Variants in ZNF614 observed in about 807,000 individuals in gnomAD.
ZNF614 encodes zinc finger protein 614.
ZNF614 carries 11 observed loss-of-function variants against 12.8 expected under a neutral mutation model. The observed-to-expected ratio is 0.86, with a 90% confidence interval of 0.54 to 1.43. ZNF614 has a LOEUF of 1.43. Ranked by LOEUF, ZNF614 falls within the 40% of genes most tolerant of loss-of-function variation. ZNF614 has a pLI of 0.00. For missense variants in ZNF614, 664 were observed against 708.8 expected (o/e 0.94, Z 0.72); for synonymous variants, 237 against 237.5 (o/e 1.00, Z 0.02).
In ZNF614 at chr19:52,016,225, T is replaced by C. The variant is rs755280234; in HGVS notation, c.1373A>G (p.Asn458Ser). 12 of 1,614,174 alleles carry C rather than the reference T, an allele frequency of 7.4e-6. No individual in the cohort carries two copies. The Admixed American group carries it at 1.2e-4, about 16-fold the overall frequency. Residue 458 changes from asparagine (N) to serine (S), a missense_variant, in exon 5 of 5, where the codon AAT becomes AGT. Transcript: ENST00000270649. Reference sequence around the variant, plus strand: ...CTGGCTGAAGGCTTTACCACATTCATTGCATTCATAGGGTTTTTCTCCTGT... The same window carrying C: ...CTGGCTGAAGGCTTTACCACATTCACTGCATTCATAGGGTTTTTCTCCTGT... ...THTGEKPYEC[N>S]ECGKAFSQKI...
In ZNF614 at chr19:52,018,484, G is replaced by T. The variant is rs1436747178; in HGVS notation, c.26C>A (p.Thr9Asn). 1 of 1,614,014 alleles carries T rather than the reference G, an allele frequency of 6.2e-7. No individual in the cohort carries two copies. Among genetic ancestry groups the T allele is most frequent in the Non-Finnish European group, 8.5e-7 (1 of 1,179,952 alleles). The change falls in exon 3 of 5, where the codon ACC (threonine) becomes AAC (asparagine). Residue 9 changes from threonine (T) to asparagine (N), a missense_variant. Physicochemically the swap from Thr to Asn is moderately conservative, Grantham distance 65 (BLOSUM62 0). Transcript: ENST00000270649. ...GAATTCCACAGCCACATCCTCCAGGGTCAGTGATTCCTGTAATTACAAAGT... is the reference window on the plus strand; with the variant it reads ...GAATTCCACAGCCACATCCTCCAGGTTCAGTGATTCCTGTAATTACAAAGT... Reference protein sequence around the residue: MIKTQESLTLEDVAVEFSW... With the variant: MIKTQESLNLEDVAVEFSW...
At chr19:52,017,986 G>T in intron 4 of ZNF614, 22 bp downstream of exon 4, 1 of 1,588,422 alleles carries the variant, frequency 6.3e-7, no homozygotes, top group Non-Finnish European at 8.6e-7. Flanking sequence ...TATAGCCACT[G>T]TCCTTGCTGG....
At chr19:52,021,425 A>G (rs1402078880) in intron 2 of ZNF614, among the ~76,000 whole-genome samples, 3 of 152,100 alleles carry the variant, frequency 2.0e-5, no homozygotes, top group African/African-American at 7.2e-5. Context: ...CTTAGGTATT[A>G]ATAGACAATG....
At chr19:52,021,022 C>T (rs1465875436) in intron 2 of ZNF614, among the ~76,000 whole-genome samples, 1 of 152,176 alleles carries the variant, frequency 6.6e-6, no homozygotes, top group African/African-American at 2.4e-5. Flanking sequence ...TTTAAGATTA[C>T]ACTCTATATG....
At position 52,013,363 on chromosome 19, in the gene ZNF614, G is replaced by T; in HGVS notation, c.*2477C>A. The T allele has an allele frequency of 3.5e-6, 1 of 283,250 alleles. No homozygotes were observed. The highest frequency in any genetic ancestry group is 6.9e-6 in the Non-Finnish European group (1 of 144,442). The allele number at this position is 283,250 out of a possible 1,614,324, so 17.5% of individuals were successfully genotyped here. On this transcript the variant is annotated 3_prime_UTR_variant, in exon 5 of 5. Transcript: ENST00000270649. ...TCTTTATTTATAGCACTTAAAACCA[G>T]GAAAACAGTGCAAATATATCTCATA...
chr19:52,023,393 T>C (rs1383725621), intron 2 of ZNF614, among the ~76,000 whole-genome samples: 1 of 152,068 alleles, frequency 6.6e-6, no homozygotes, highest in Non-Finnish European at 1.5e-5. Context: ...GGTCTCGATC[T>C]CTTGACCTCA....
intron 4 of ZNF614, 29 bp from the exon 5 acceptor site, chr19:52,017,388 C>T (rs2086906254): frequency 1.3e-6 from 2 of 1,551,842 alleles, no homozygotes; most frequent in Non-Finnish European, 1.7e-6. Flanking sequence ...ACAAATTCTT[C>T]CATGAGAATT....
chr19:52,023,710 C>A (rs1412056919), intron 2 of ZNF614, among the ~76,000 whole-genome samples: 1 of 152,196 alleles, frequency 6.6e-6, no homozygotes, highest in Non-Finnish European at 1.5e-5. Flanking sequence ...ATATACTTAT[C>A]CGTGTCACTT....
At chr19:52,018,608 A>C in intron 2 of ZNF614, 114 bp from the exon 3 acceptor site, 1 of 1,165,000 alleles carries the variant, frequency 8.6e-7, no homozygotes, top group Non-Finnish European at 1.2e-6. Context: ...TTCCTTTCTC[A>C]AATATACTTT....
rs749304425 is a variant in ZNF614 at position 52,017,234 on chromosome 19, GA to G, written c.363del (p.Pro122LeufsTer2). 2.5e-6 allele frequency: 4 copies of G among 1,613,924 alleles called. No homozygotes were observed. Among genetic ancestry groups the G allele is most frequent in the Non-Finnish European group, 1.7e-6 (2 of 1,180,034 alleles). ...RNIVHLSKTHFPIVQNHDTFD... is the reference protein window; with the variant it reads ...RNIVHLSKTHXPIVQNHDTFD... ...AATGTATCATGATTTTGCACTATAG[GA>G]AAATGTGTCTTGCTGAGATGTACAA... On this transcript the variant is annotated frameshift_variant, in exon 5 of 5. Transcript: ENST00000270649. LOFTEE classifies it low-confidence loss of function (END_TRUNC).
In ZNF614 at chr19:52,016,070, G is replaced by C. The variant is rs2086894348; in HGVS notation, c.1528C>G (p.Pro510Ala). 5 of 1,613,720 alleles carry C rather than the reference G, an allele frequency of 3.1e-6. No individual in the cohort carries two copies. The highest frequency in any genetic ancestry group is 1.7e-6 in the Non-Finnish European group (2 of 1,179,964). ...TTTCCACATTCATTGCACTCATAAG[G>C]TTTCTCTCCTGTGTGAATTCTCTGA... ...THQRIHTGEK[P>A]YECNECGKAF... Residue 510 changes from proline to alanine, a missense_variant, in exon 5 of 5, where the codon CCT becomes GCT. By Grantham distance (27) the Pro-to-Ala change is conservative. Coordinates refer to ENST00000270649, the MANE Select transcript of ZNF614 (RefSeq NM_025040.4).
rs1242609643 is a variant in ZNF614, at chr19:52,015,557, C to T, written c.*283G>A. 3.8e-6 allele frequency: 1 copy of T among 263,644 alleles called. No individual in the cohort carries two copies. The highest frequency in any genetic ancestry group is 7.2e-6 in the Non-Finnish European group (1 of 139,144). 16.3% of individuals were successfully genotyped at this position (263,644 alleles called of 1,614,324 possible). ...TCAGACATATGAGCAGAAATTATTG[C>T]TCAAAACATCTCCACATTAATATAG... On this transcript the variant is annotated 3_prime_UTR_variant, in exon 5 of 5. Transcript: ENST00000270649.
intron 2 of ZNF614, among the ~76,000 whole-genome samples, chr19:52,021,208 A>C (rs1244139596): frequency 6.6e-6 from 1 of 152,150 alleles, no homozygotes; most frequent in Admixed American, 6.5e-5. Context: ...TCCTCCCAAC[A>C]ACCACATAAG....
At position 52,018,302 on chromosome 19, in the gene ZNF614, G is replaced by A. The variant is rs754635921; in HGVS notation, c.142+66C>T. On this transcript the variant is annotated intron_variant, in intron 3 of 4. Transcript: ENST00000270649. ...CACAGTGACTGTAAAGCTTTGATTA[G>A]GTGAGCATAGGACGGTGTCTGGGCA... The A allele has an allele frequency of 5.6e-6, 9 of 1,610,596 alleles. No homozygotes were observed. The African/African-American group carries it at 1.1e-4, about 19-fold the overall frequency.
chr19:52,024,962 T>C lies in ZNF614; in HGVS notation c.15+769A>G, dbSNP rs111399505. On this transcript the variant is annotated intron_variant, in intron 2 of 4. Coordinates refer to ENST00000270649, the MANE Select transcript of ZNF614 (RefSeq NM_025040.4). ...GAAAAAGAGGAAGGCCTTTTTGCAG[T>C]TGAGATAAGAGGAAGGCATCTGTCT... 3.9e-5 allele frequency among the ~76,000 whole-genome samples: 6 copies of C among 152,048 alleles called. No homozygotes were observed. In the South Asian group the frequency reaches 6.2e-4, roughly 16 times the overall value.
intron 2 of ZNF614, among the ~76,000 whole-genome samples, chr19:52,023,229 C>T (rs1321241289): frequency 1.3e-5 from 2 of 149,760 alleles, no homozygotes; most frequent in African/African-American, 4.9e-5. Flanking sequence ...AGTGCAGTGG[C>T]ACGATCTCAG....
At chr19:52,021,768 GT>G (rs1381357064) in intron 2 of ZNF614, among the ~76,000 whole-genome samples, 1 of 151,620 alleles carries the variant, frequency 6.6e-6, no homozygotes, top group East Asian at 1.9e-4. Flanking sequence ...ATGAAAACAT[GT>G]TCATGATATA....
Position 52,017,215 on chromosome 19 carries a change from T to C in ZNF614, c.383A>G (p.Asp128Gly), listed in dbSNP as rs1411620809. The C allele has an allele frequency of 6.2e-7, 1 of 1,614,054 alleles. No individual in the cohort carries two copies. Among genetic ancestry groups the C allele is most frequent in the East Asian group, 2.2e-5 (1 of 44,892 alleles). ...ATTTTTTCTGTACAAGTCAAATGTA[T>C]CATGATTTTGCACTATAGGAAAATG... ...KTHFPIVQNH[D>G]TFDLYRKNLK... Residue 128 changes from aspartate (D) to glycine (G), a missense_variant, in exon 5 of 5, where the codon GAT becomes GGT. Physicochemically the swap from Asp to Gly is moderately conservative, Grantham distance 94. Coordinates refer to ENST00000270649, the MANE Select transcript of ZNF614 (RefSeq NM_025040.4).
rs1156432857 is a variant in ZNF614 at position 52,013,542 on chromosome 19, T to A, written c.*2298A>T. On this transcript the variant is annotated 3_prime_UTR_variant, in exon 5 of 5. Coordinates refer to ENST00000270649, the MANE Select transcript of ZNF614 (RefSeq NM_025040.4). ...GGAGTAATTTGCTGAGTGACAAAAA[T>A]GCCAAAAGCTTACATACTCTCTATC... 2 of 152,144 alleles carry A rather than the reference T, an allele frequency of 1.3e-5. No individual in the cohort carries two copies. Among genetic ancestry groups the A allele is most frequent in the Non-Finnish European group, 2.9e-5 (2 of 68,052 alleles). 9.4% of individuals were successfully genotyped at this position (152,144 alleles called of 1,614,324 possible). A position where few individuals can be genotyped will look rare whatever the true frequency, so the allele number is the denominator to read the frequency against.
Sources: allele counts gnomAD v4.1 joint callset (sites outside exome capture counted in the v4.1 genomes callset), GRCh38; gene constraint gnomAD v4.1.1; transcripts MANE v1.5; gene names NCBI Gene and HGNC (gene_info 2026-07-23, HGNC 2026-07-21).